HDGFL2: variants seen among roughly 807,000 people sequenced by gnomAD.
HDGFL2 encodes the protein HDGF like 2.
HDGFL2 carries 36 observed loss-of-function variants against 77.1 expected under a neutral mutation model. The observed-to-expected ratio is 0.47, with a 90% confidence interval of 0.36 to 0.62. The LOEUF (loss-of-function observed/expected upper bound fraction) is 0.62, where lower values mean the gene tolerates loss of function less well. Among genes scored for constraint, HDGFL2 ranks in the 20% least tolerant of loss-of-function variants. The probability of loss-of-function intolerance (pLI) is 0.00; values close to 1 mark genes in which losing one functional copy is unlikely to be tolerated. For synonymous variants in HDGFL2, 463 were observed against 413.1 expected (o/e 1.12, Z -1.46); for missense variants, 976 against 973.4 (o/e 1.00, Z -0.04).
intron 3 of HDGFL2, among the ~76,000 whole-genome samples, chr19:4,484,178 G>T (rs547142121): frequency 1.4e-5 from 2 of 142,414 alleles, no homozygotes; most frequent in South Asian, 4.6e-4. Flanking sequence ...CTGCCTCCCA[G>T]GTTCAAGTGA....
At chr19:4,501,147 A>G (rs1393414526) in intron 14 of HDGFL2, 44 bp from the exon 15 acceptor site, 2 of 1,610,876 alleles carry the variant, frequency 1.2e-6, no homozygotes, top group Non-Finnish European at 1.7e-6. Context: ...TGGGGTGCCC[A>G]GCTGGAGCCC....
rs1250898612 is a variant in HDGFL2 at position 4,501,984 on chromosome 19, T to G, written c.1990T>G (p.Ser664Ala). 2.6e-6 allele frequency: 4 copies of G among 1,513,888 alleles called. No homozygotes were observed. In the Admixed American group the frequency reaches 7.2e-5, roughly 27 times the overall value. 93.8% of individuals were successfully genotyped at this position (1,513,888 alleles called of 1,614,324 possible). The change falls in exon 16 of 16, where the codon TCG becomes GCG. Residue 664 changes from serine to alanine, a missense_variant. Transcript: ENST00000616600. ...RQERERARGD[S>A]EALDEES ...GGAGCGCGAGAGGGCACGGGGGGAC[T>G]CGGAGGCCCTGGACGAGGAGAGCTG...
Position 4,501,955 on chromosome 19 carries a change from G to A in HDGFL2, c.1961G>A (p.Arg654Gln), listed in dbSNP as rs750522810. ...GACCTGGACAGGCCTGGGAGCGACC[G>A]GCAGGAGCGCGAGAGGGCACGGGGG... is the stretch of plus-strand genomic sequence containing the variant. The part of the protein sequence containing the change: ...GPDLDRPGSD[R>Q]QERERARGDS... Residue 654 changes from arginine to glutamine, a missense_variant, in exon 16 of 16, where the codon CGG becomes CAG. Around this residue, in one of 5 missense-constraint regions of HDGFL2, gnomAD observed 229 missense variants for 187.3 expected, o/e 1.22. Transcript: ENST00000616600. The A allele has an allele frequency of 7.3e-6, 11 of 1,502,116 alleles. No homozygotes were observed. Among genetic ancestry groups the A allele is most frequent in the East Asian group, 2.5e-5 (1 of 40,496 alleles). 93.0% of individuals were successfully genotyped at this position (1,502,116 alleles called of 1,614,324 possible).
intron 11 of HDGFL2, 77 bp from the exon 12 acceptor site, chr19:4,498,229 C>T (rs754523180): frequency 5.6e-5 from 78 of 1,381,732 alleles, no homozygotes; most frequent in Admixed American, 2.1e-4. Flanking sequence ...TCCAGAGGCT[C>T]TCAGGCTCCT....
chr19:4,498,300 G>A lies in HDGFL2; in HGVS notation c.1403-6G>A, dbSNP rs1362682224. ...GGCCCACACGGTGCTCTCTCTCCTG[G>A]CCCAGAGCCCTCCGTGGAGGAGAAG... On this transcript the variant is annotated splice_polypyrimidine_tract_variant and splice_region_variant and intron_variant, in intron 11 of 15. Transcript: ENST00000616600. 1.2e-6 allele frequency: 2 copies of A among 1,612,744 alleles called. No homozygotes were observed. Among genetic ancestry groups the A allele is most frequent in the Non-Finnish European group, 1.7e-6 (2 of 1,179,592 alleles).
At chr19:4,494,968 G>C (rs1032393706) in intron 9 of HDGFL2, among the ~76,000 whole-genome samples, 2 of 152,010 alleles carry the variant, frequency 1.3e-5, no homozygotes, top group African/African-American at 4.8e-5. Flanking sequence ...TGAGGGTAGT[G>C]CGTGCTGTCC....
intron 3 of HDGFL2, among the ~76,000 whole-genome samples, chr19:4,481,798 C>T (rs1039424039): frequency 1.3e-5 from 2 of 152,046 alleles, no homozygotes; most frequent in African/African-American, 4.8e-5. Flanking sequence ...GTAGTGCTGA[C>T]CCCTCAGCGG....
At position 4,496,520 on chromosome 19, in the gene HDGFL2, C is replaced by T. The variant is rs984815000; in HGVS notation, c.1328+115C>T. 3.3e-5 allele frequency: 26 copies of T among 780,668 alleles called. No individual in the cohort carries two copies. In the South Asian group the frequency reaches 3.6e-4, roughly 11 times the overall value. The allele number at this position is 780,668 out of a possible 1,614,324, so 48.4% of individuals were successfully genotyped here. On this transcript the variant is annotated intron_variant, in intron 10 of 15. Coordinates refer to ENST00000616600, the MANE Select transcript of HDGFL2 (RefSeq NM_001001520.3). Reference sequence around the variant, plus strand: ...CTGAGTTCAGCCTTGGAGCCGGACCCGGTTGAAGTTCCTGGTCCTTGGGTT... The same window carrying T: ...CTGAGTTCAGCCTTGGAGCCGGACCTGGTTGAAGTTCCTGGTCCTTGGGTT...
chr19:4,493,638 C>T, intron 6 of HDGFL2, 65 bp from the exon 7 acceptor site: 1 of 1,372,040 alleles, frequency 7.3e-7, no homozygotes, highest in Non-Finnish European at 9.5e-7. Context: ...CCTCCTCTGG[C>T]CTGGTGCGCC....
chr19:4,490,577 G>T (rs987468733), intron 4 of HDGFL2, among the ~76,000 whole-genome samples: 3 of 152,176 alleles, frequency 2.0e-5, no homozygotes, highest in African/African-American at 7.2e-5. Flanking sequence ...TCTCTGTCCT[G>T]CCTTTTGACC....
At chr19:4,501,687 C>T (rs1975891125) in intron 15 of HDGFL2, 3 of 506,400 alleles carry the variant, frequency 5.9e-6, no homozygotes, top group Non-Finnish European at 1.0e-5. Context: ...GAGTCACTCA[C>T]TTACCCAGCA....
chr19:4,502,003 A>G lies in HDGFL2; in HGVS notation c.2009A>G (p.Glu670Gly). The G allele has an allele frequency of 6.6e-7, 1 of 1,517,186 alleles. No individual in the cohort carries two copies. 94.0% of individuals were successfully genotyped at this position (1,517,186 alleles called of 1,614,324 possible). ...GGGGACTCGGAGGCCCTGGACGAGG[A>G]GAGCTGAGCCGCGGGCAGCCAGGCC... Reference protein sequence around the residue: ...ARGDSEALDEES With the variant: ...ARGDSEALDEGS The change falls in exon 16 of 16, where the codon GAG (glutamate) becomes GGG (glycine). Residue 670 changes from glutamate (E) to glycine (G), a missense_variant. Around this residue, in one of 5 missense-constraint regions of HDGFL2, gnomAD observed 229 missense variants for 187.3 expected, o/e 1.22. Transcript: ENST00000616600.
In HDGFL2 at chr19:4,498,129, G is replaced by A. The variant is rs1975757663; in HGVS notation, c.1402+98G>A. 3 of 1,264,120 alleles carry A rather than the reference G, an allele frequency of 2.4e-6. No homozygotes were observed. The East Asian group carries it at 7.6e-5, about 32-fold the overall frequency. 78.3% of individuals were successfully genotyped at this position (1,264,120 alleles called of 1,614,324 possible). A position where few individuals can be genotyped will look rare whatever the true frequency, so the allele number is the denominator to read the frequency against. ...GCCTGTCCCGCCTGTCCCTAGAGAG[G>A]GTGCTCAGCACATCCTCGGCCGGCC... On this transcript the variant is annotated intron_variant, in intron 11 of 15. Coordinates refer to ENST00000616600, the MANE Select transcript of HDGFL2 (RefSeq NM_001001520.3).
chr19:4,499,779 A>G, intron 14 of HDGFL2, 75 bp downstream of exon 14: 6 of 1,184,308 alleles, frequency 5.1e-6, no homozygotes, highest in Non-Finnish European at 7.1e-6. Context: ...AGAACATTCC[A>G]GAAGGGGAGT....
intron 1 of HDGFL2, 104 bp downstream of exon 1, chr19:4,472,526 A>T: frequency 3.8e-6 from 2 of 519,902 alleles, no homozygotes; most frequent in Non-Finnish European, 5.3e-6. Context: ...CTGGGCCTGA[A>T]GGAGCTGCGC....
rs561553631 is a variant in HDGFL2, at chr19:4,477,324, CCCTTGAGCG to C, written c.288+1744_288+1752del. ...AATTGAGGATTCACTCAACGGATGT[CCCTTGAGCG>C]CCGAGGATCTGGCAGCCCCTTCTCA... On this transcript the variant is annotated intron_variant, in intron 3 of 15. Coordinates refer to ENST00000616600, the MANE Select transcript of HDGFL2 (RefSeq NM_001001520.3). 2.0e-3 allele frequency among the ~76,000 whole-genome samples: 299 copies of C among 152,216 alleles called. 1 individual carries two copies. Among genetic ancestry groups the C allele is most frequent in the Non-Finnish European group, 2.9e-3 (198 of 68,016 alleles).
intron 14 of HDGFL2, among the ~76,000 whole-genome samples, chr19:4,499,927 T>C (rs892160): frequency 0.8 from 121,565 of 152,144 alleles, 49,332 homozygotes; most frequent in East Asian, 0.91. Flanking sequence ...AGCATGCAGG[T>C]AACTTGGGGC....
intron 9 of HDGFL2, among the ~76,000 whole-genome samples, chr19:4,495,919 G>A (rs773679193): frequency 2.0e-5 from 3 of 152,168 alleles, no homozygotes; most frequent in Non-Finnish European, 2.9e-5. Flanking sequence ...TGGGGCCCAC[G>A]TGCTGGTGCC....
chr19:4,474,604 G>C (rs1975024160), intron 1 of HDGFL2, among the ~76,000 whole-genome samples: 1 of 152,092 alleles, frequency 6.6e-6, no homozygotes, highest in Non-Finnish European at 1.5e-5. Flanking sequence ...TGACTTTCTT[G>C]GGGGAGACCA....
Sources: gnomAD v4.1 joint callset for allele counts (sites outside exome capture counted in the v4.1 genomes callset) on GRCh38, gnomAD v4.1.1 for gene constraint, gnomAD v4.1.1 regional missense constraint, MANE v1.5 for transcripts, NCBI Gene and HGNC (gene_info 2026-07-23, HGNC 2026-07-21) for gene names.